Variants in SCHIP1 observed in about 807,000 individuals in gnomAD.
SCHIP1 encodes the protein schwannomin-interacting protein 1.
In SCHIP1, 8 loss-of-function variants were observed where a neutral mutation model predicts 29.7. That is an observed-to-expected ratio of 0.27 (90% CI 0.16 to 0.49). The LOEUF (loss-of-function observed/expected upper bound fraction) is 0.49. SCHIP1 is among the 20% of genes least tolerant of loss of function. SCHIP1 has a pLI of 0.99. For synonymous variants in SCHIP1, 76 were observed against 94.9 expected (o/e 0.80, Z 1.16); for missense variants, 193 against 294.6 (o/e 0.66, Z 2.52).
chr3:159,273,653 G>A, the SCHIP1 span: 2 of 1,364,068 alleles, frequency 1.5e-6, no homozygotes, highest in Non-Finnish European at 1.9e-6. Context: ...CTTGAGCATG[G>A]TGGTTGATAA....
At chr3:159,491,649 T>G in the SCHIP1 span, among the ~76,000 whole-genome samples, 2 of 152,368 alleles carry the variant, frequency 1.3e-5, no homozygotes, top group African/African-American at 4.8e-5. Flanking sequence ...CAAGGAGGCC[T>G]GCCTGCCTCT....
At chr3:159,621,034 A>G in the SCHIP1 span, among the ~76,000 whole-genome samples, 1 of 152,224 alleles carries the variant, frequency 6.6e-6, no homozygotes, top group Non-Finnish European at 1.5e-5. Context: ...GCAAATGCCC[A>G]GCACCTTTCT....
the SCHIP1 span, among the ~76,000 whole-genome samples, chr3:159,621,659 G>C: frequency 1.3e-5 from 2 of 148,396 alleles, no homozygotes; most frequent in African/African-American, 5.2e-5. Flanking sequence ...TGTTGTTGTT[G>C]TTTTTGTTCT....
At chr3:159,659,327 G>T in the SCHIP1 span, among the ~76,000 whole-genome samples, 3 of 152,222 alleles carry the variant, frequency 2.0e-5, no homozygotes, top group Admixed American at 6.5e-5. Flanking sequence ...TGTCTGCTGT[G>T]CTCTCTGTTG....
the SCHIP1 span, among the ~76,000 whole-genome samples, chr3:159,597,933 T>A: frequency 6.6e-6 from 1 of 152,058 alleles, no homozygotes; most frequent in Non-Finnish European, 1.5e-5. Flanking sequence ...AAACTTACAA[T>A]CATGGTGGAA....
the SCHIP1 span, among the ~76,000 whole-genome samples, chr3:159,798,777 AC>A: frequency 7.2e-5 from 11 of 151,860 alleles, no homozygotes; most frequent in South Asian, 1.2e-3. Context: ...AAACAAAACA[AC>A]AACAACAACA....
the SCHIP1 span, among the ~76,000 whole-genome samples, chr3:159,617,962 G>A: frequency 6.6e-6 from 1 of 152,100 alleles, no homozygotes; most frequent in Non-Finnish European, 1.5e-5. Context: ...GGTGTGAACA[G>A]GGAGAAAATA....
the SCHIP1 span, among the ~76,000 whole-genome samples, chr3:159,444,293 G>A: frequency 1.3e-5 from 2 of 151,986 alleles, no homozygotes; most frequent in Non-Finnish European, 2.9e-5. Flanking sequence ...CAAGGGTGGG[G>A]CTACATCTCC....
At chr3:159,330,523 C>T in the SCHIP1 span, among the ~76,000 whole-genome samples, 7 of 152,004 alleles carry the variant, frequency 4.6e-5, no homozygotes, top group African/African-American at 1.2e-4. Context: ...AATTTTTAAT[C>T]TTTGTAGATT....
the SCHIP1 span, among the ~76,000 whole-genome samples, chr3:159,703,390 C>A: frequency 1.3e-5 from 2 of 152,148 alleles, no homozygotes; most frequent in African/African-American, 2.4e-5. Flanking sequence ...TGAAGTCATG[C>A]TTGACAGTAA....
the SCHIP1 span, among the ~76,000 whole-genome samples, chr3:159,712,728 A>G: frequency 6.6e-6 from 1 of 151,706 alleles, no homozygotes; most frequent in Admixed American, 6.6e-5. Context: ...AGGGAAGGGA[A>G]GAGAAGGGAA....
chr3:159,285,499 G>A, the SCHIP1 span, among the ~76,000 whole-genome samples: 1 of 152,024 alleles, frequency 6.6e-6, no homozygotes, highest in Non-Finnish European at 1.5e-5. Context: ...CACTAATCAA[G>A]AGCTCATTTT....
At chr3:159,602,719 AAG>A in the SCHIP1 span, among the ~76,000 whole-genome samples, 2,827 of 112,834 alleles carry the variant, frequency 0.025, 93 homozygotes, top group East Asian at 0.17. Flanking sequence ...AAAAAAAAAA[AAG>A]AAAGAAACAA....
the SCHIP1 span, among the ~76,000 whole-genome samples, chr3:159,758,626 G>A: frequency 2.0e-5 from 3 of 152,236 alleles, no homozygotes; most frequent in East Asian, 1.9e-4. Flanking sequence ...ATCCTGTCAA[G>A]AGAGCACATT....
At chr3:159,360,244 C>G in the SCHIP1 span, among the ~76,000 whole-genome samples, 3 of 152,154 alleles carry the variant, frequency 2.0e-5, no homozygotes, top group Non-Finnish European at 4.4e-5. Flanking sequence ...GCAGTATCTT[C>G]TAAATGGGGA....
chr3:159,411,650 T>C, the SCHIP1 span, among the ~76,000 whole-genome samples: 2 of 152,202 alleles, frequency 1.3e-5, no homozygotes, highest in East Asian at 3.8e-4. Flanking sequence ...TTGTGTCATT[T>C]ATCTGTAACA....
the SCHIP1 span, among the ~76,000 whole-genome samples, chr3:159,504,648 T>C: frequency 6.6e-6 from 1 of 152,136 alleles, no homozygotes; most frequent in Non-Finnish European, 1.5e-5. Flanking sequence ...TCCTGAGGGC[T>C]TAATTTTTTG....
chr3:159,292,569 G>A, the SCHIP1 span, among the ~76,000 whole-genome samples: 1 of 152,194 alleles, frequency 6.6e-6, no homozygotes, highest in Non-Finnish European at 1.5e-5. Flanking sequence ...AGATCTAGGA[G>A]AGGAGGGGAA....
chr3:159,435,194 G>C, the SCHIP1 span, among the ~76,000 whole-genome samples: 3 of 152,258 alleles, frequency 2.0e-5, no homozygotes, highest in Non-Finnish European at 4.4e-5. Flanking sequence ...TTTAAATGGA[G>C]ATAATTATGC....
Sources: gnomAD v4.1 joint callset for allele counts (sites outside exome capture counted in the v4.1 genomes callset) on GRCh38, gnomAD v4.1.1 for gene constraint, MANE v1.5 for transcripts, NCBI Gene and HGNC (gene_info 2026-07-23, HGNC 2026-07-21) for gene names.